Variants in DARS1 observed in about 807,000 individuals in gnomAD.
DARS1 encodes aspartyl-tRNA synthetase 1.
A neutral mutation model predicts 68.8 loss-of-function variants in DARS1; 51 were observed. The observed-to-expected ratio is 0.74, with a 90% confidence interval of 0.59 to 0.94. The LOEUF (loss-of-function observed/expected upper bound fraction) is 0.94. Among genes scored for constraint, DARS1 ranks in the 40% least tolerant of loss-of-function variants. DARS1 has a pLI of 0.00. For missense variants in DARS1, 607 were observed against 597.3 expected (o/e 1.02, Z -0.17); for synonymous variants, 203 against 190.4 (o/e 1.07, Z -0.55).
Position 135,906,143 on chromosome 2 carries a change from C to G in DARS1, c.*1173G>C, listed in dbSNP as rs1374736295. ...TGTACAATATAGATGGTAAACACCC[C>G]CTTTAACTTTCAAACATAATGGGCA... On this transcript the variant is annotated 3_prime_UTR_variant, in exon 16 of 16. Transcript: ENST00000264161. 6.6e-6 allele frequency among the ~76,000 whole-genome samples: 1 copy of G among 152,086 alleles called. No homozygotes were observed. Among genetic ancestry groups the G allele is most frequent in the East Asian group, 1.9e-4 (1 of 5,194 alleles).
intron 7 of DARS1, among the ~76,000 whole-genome samples, chr2:135,930,674 T>C (rs1199956762): frequency 6.6e-6 from 1 of 152,120 alleles, no homozygotes; most frequent in Non-Finnish European, 1.5e-5. Context: ...ATAAAAGAAA[T>C]AGACTAATTT....
intron 4 of DARS1, among the ~76,000 whole-genome samples, chr2:135,953,693 T>C (rs1681898540): frequency 6.6e-6 from 1 of 152,154 alleles, no homozygotes. Flanking sequence ...TCCAACTCCC[T>C]GTCCCTCCCC....
chr2:135,921,046 C>G (rs555171860), intron 9 of DARS1, among the ~76,000 whole-genome samples: 53 of 150,906 alleles, frequency 3.5e-4, no homozygotes, highest in African/African-American at 1.3e-3. Context: ...ATGAGTCGAG[C>G]TAGAGTCAGG....
At chr2:135,915,343 T>C (rs1262778532) in intron 11 of DARS1, among the ~76,000 whole-genome samples, 1 of 152,172 alleles carries the variant, frequency 6.6e-6, no homozygotes, top group African/African-American at 2.4e-5. Context: ...TGGAGTACAG[T>C]GGCATGATCA....
At chr2:135,940,738 C>T (rs1415324589) in intron 5 of DARS1, among the ~76,000 whole-genome samples, 1 of 152,200 alleles carries the variant, frequency 6.6e-6, no homozygotes, top group Non-Finnish European at 1.5e-5. Context: ...TTGCAGATGA[C>T]ATGATTGTAT....
At chr2:135,909,232 A>T (rs1680849618) in intron 15 of DARS1, among the ~76,000 whole-genome samples, 1 of 152,206 alleles carries the variant, frequency 6.6e-6, no homozygotes. Context: ...CCCATGGCAC[A>T]TGTTTACCTA....
intron 15 of DARS1, among the ~76,000 whole-genome samples, chr2:135,910,185 A>C (rs1038850073): frequency 5.9e-5 from 9 of 152,290 alleles, no homozygotes; most frequent in African/African-American, 1.7e-4. Flanking sequence ...GTAAGACCAG[A>C]AATGGAATTT....
At chr2:135,972,641 C>A (rs1213818718) in intron 3 of DARS1, among the ~76,000 whole-genome samples, 1 of 152,008 alleles carries the variant, frequency 6.6e-6, no homozygotes, top group East Asian at 1.9e-4. Context: ...AAGAGACAAC[C>A]CACAGAATGG....
chr2:135,970,358 C>T (rs997443457), intron 3 of DARS1, among the ~76,000 whole-genome samples: 2 of 149,430 alleles, frequency 1.3e-5, no homozygotes, highest in Non-Finnish European at 3.0e-5. Flanking sequence ...TATATAAACA[C>T]ATGGAAATTA....
intron 2 of DARS1, among the ~76,000 whole-genome samples, chr2:135,983,187 CTA>C (rs1378964810): frequency 6.6e-6 from 1 of 152,094 alleles, no homozygotes; most frequent in Non-Finnish European, 1.5e-5. Flanking sequence ...CCTACAATAC[CTA>C]ATAACATTTT....
intron 15 of DARS1, chr2:135,910,922 C>T (rs920053531): frequency 2.2e-5 from 10 of 455,660 alleles, no homozygotes; most frequent in Non-Finnish European, 3.6e-5. Context: ...GGATACTCCA[C>T]TTACAAGACA....
intron 1 of DARS1, among the ~76,000 whole-genome samples, chr2:135,983,914 CCA>C (rs1417593474): frequency 6.6e-6 from 1 of 152,172 alleles, no homozygotes; most frequent in African/African-American, 2.4e-5. Context: ...CACCAGATGT[CCA>C]CAGTTTTTAG....
At chr2:135,982,306 A>C (rs563889520) in intron 2 of DARS1, among the ~76,000 whole-genome samples, 1 of 152,168 alleles carries the variant, frequency 6.6e-6, no homozygotes, top group Non-Finnish European at 1.5e-5. Flanking sequence ...ATTTCAAAGA[A>C]ATATAAGGCC....
rs1383714731 is a variant in DARS1 at position 135,935,082 on chromosome 2, C to A, written c.424-1092G>T. Among the ~76,000 whole-genome samples, 5 of 152,060 alleles carry A rather than the reference C, an allele frequency of 3.3e-5. No homozygotes were observed. In the East Asian group the frequency reaches 9.8e-4, roughly 30 times the overall value. ...GGGATTACAGGCATGAGCCACCACGCCCGGCCATCTTGTTATTTTTAACAG... is the reference window on the plus strand; with the variant it reads ...GGGATTACAGGCATGAGCCACCACGACCGGCCATCTTGTTATTTTTAACAG... On this transcript the variant is annotated intron_variant, in intron 5 of 15. Coordinates refer to ENST00000264161, the MANE Select transcript of DARS1 (RefSeq NM_001349.4).
At position 135,985,611 on chromosome 2, in the gene DARS1, G is replaced by T; in HGVS notation, c.-143C>A. On this transcript the variant is annotated 5_prime_UTR_variant, in exon 1 of 16. Coordinates refer to ENST00000264161, the MANE Select transcript of DARS1 (RefSeq NM_001349.4). ...ACGCGCTCGGACTCCGCGTGGAGGT[G>T]CGGCTCCAGAAAGATCGCGAGAGCT... 1 of 1,514,060 alleles carries T rather than the reference G, an allele frequency of 6.6e-7. No individual in the cohort carries two copies. Among genetic ancestry groups the T allele is most frequent in the Non-Finnish European group, 8.9e-7 (1 of 1,125,314 alleles). The allele number at this position is 1,514,060 out of a possible 1,614,324, so 93.8% of individuals were successfully genotyped here. A position where few individuals can be genotyped will look rare whatever the true frequency, so the allele number is the denominator to read the frequency against.
At chr2:135,985,287 G>A (rs1358038935) in intron 1 of DARS1, 116 bp downstream of exon 1, 9 of 1,447,122 alleles carry the variant, frequency 6.2e-6, no homozygotes, top group Non-Finnish European at 8.2e-6. Context: ...CACGCCCGCA[G>A]CCTGCGGAGA....
Position 135,912,584 on chromosome 2 carries a change from G to T in DARS1, c.1150-18C>A. ...GTATCATACTATAAAAAGAATAAAT[G>T]CAATTAAAATACATTTTTAAAAAGT... On this transcript the variant is annotated intron_variant, in intron 12 of 15. Coordinates refer to ENST00000264161, the MANE Select transcript of DARS1 (RefSeq NM_001349.4). The T allele has an allele frequency of 3.9e-6, 3 of 772,196 alleles. No homozygotes were observed. Among genetic ancestry groups the T allele is most frequent in the African/African-American group, 1.8e-5 (1 of 55,710 alleles). The allele number at this position is 772,196 out of a possible 1,614,324, so 47.8% of individuals were successfully genotyped here. A position where few individuals can be genotyped will look rare whatever the true frequency, so the allele number is the denominator to read the frequency against.
chr2:135,917,017 T>C (rs1480213407), intron 10 of DARS1, among the ~76,000 whole-genome samples: 1 of 152,064 alleles, frequency 6.6e-6, no homozygotes, highest in Non-Finnish European at 1.5e-5. Context: ...TGAAACCCCA[T>C]CTCTACTAAA....
rs1028111426 is a variant in DARS1, at chr2:135,906,632, T to C, written c.*684A>G. The C allele has an allele frequency of 1.1e-4, 17 of 152,334 alleles. No individual in the cohort carries two copies. Among genetic ancestry groups the C allele is most frequent in the African/African-American group, 3.8e-4 (16 of 41,580 alleles). The allele number at this position is 152,334 out of a possible 1,614,324, so 9.4% of individuals were successfully genotyped here. On this transcript the variant is annotated 3_prime_UTR_variant, in exon 16 of 16. Transcript: ENST00000264161. The stretch of plus-strand genomic sequence containing the variant: ...TTTCTTTTACCAAATTATGAATGCC[T>C]AGCACCACTTACAAAATCAGTTGGC...
Sources: gnomAD v4.1 joint callset for allele counts (sites outside exome capture counted in the v4.1 genomes callset) on GRCh38, gnomAD v4.1.1 for gene constraint, MANE v1.5 for transcripts, NCBI Gene and HGNC (gene_info 2026-07-23, HGNC 2026-07-21) for gene names.